Variants in EXOC4 observed in about 807,000 individuals in gnomAD.
EXOC4 encodes the protein exocyst complex component 4.
In EXOC4, 71 loss-of-function variants were observed where a neutral mutation model predicts 107.2. The observed-to-expected ratio is 0.66, with a 90% confidence interval of 0.55 to 0.81. The LOEUF (loss-of-function observed/expected upper bound fraction) is 0.81, where lower values mean the gene tolerates loss of function less well. Ranked by LOEUF, EXOC4 falls within the 30% of genes least tolerant of loss-of-function variation. The probability of loss-of-function intolerance (pLI) is 0.00; values close to 1 mark genes in which losing one functional copy is unlikely to be tolerated. For missense variants in EXOC4, 1,108 were observed against 1,189.6 expected, an observed-to-expected ratio of 0.93 and a Z score of 1.01; for synonymous variants, 456 against 441.2, an observed-to-expected ratio of 1.03 and a Z score of -0.42.
intron 10 of EXOC4, among the ~76,000 whole-genome samples, chr7:133,787,660 C>A (rs1056600724): frequency 2.6e-5 from 4 of 151,606 alleles, no homozygotes; most frequent in Non-Finnish European, 5.9e-5. Context: ...ACGGCCTCCT[C>A]CTTGCTGTGT....
intron 10 of EXOC4, among the ~76,000 whole-genome samples, chr7:133,789,016 C>T (rs1796649057): frequency 6.6e-6 from 1 of 152,188 alleles, no homozygotes; most frequent in African/African-American, 2.4e-5. Flanking sequence ...TGTCTCATCT[C>T]CATTATTTTG....
chr7:133,480,057 T>G lies in EXOC4; in HGVS notation c.1336T>G (p.Ser446Ala). 6.2e-7 allele frequency: 1 copy of G among 1,613,896 alleles called. No homozygotes were observed. The highest frequency in any genetic ancestry group is 2.2e-5 in the East Asian group (1 of 44,866). Residue 446 changes from serine to alanine, a missense_variant, in exon 9 of 18, where the codon TCG becomes GCG. Transcript: ENST00000253861. ...RPKNSLFKFESSSHAISMSAY... is the reference protein window; with the variant it reads ...RPKNSLFKFEASSHAISMSAY... ...CCCTGTGTTTCTCTGCAGGTTCGAATCGTCCTCCCATGCCATCAGTATGAG... is the reference window on the plus strand; with the variant it reads ...CCCTGTGTTTCTCTGCAGGTTCGAAGCGTCCTCCCATGCCATCAGTATGAG...
At chr7:133,695,154 A>G (rs1266942843) in intron 10 of EXOC4, among the ~76,000 whole-genome samples, 1 of 147,060 alleles carries the variant, frequency 6.8e-6, no homozygotes, top group African/African-American at 2.5e-5. Flanking sequence ...GTAATCAACA[A>G]TCTACTCCCT....
chr7:133,795,835 C>T (rs1246432312), intron 10 of EXOC4, among the ~76,000 whole-genome samples: 1 of 152,162 alleles, frequency 6.6e-6, no homozygotes, highest in African/African-American at 2.4e-5. Context: ...GTATTAATTT[C>T]ACCAACTATA....
At chr7:133,257,331 C>A (rs541547891) in intron 1 of EXOC4, among the ~76,000 whole-genome samples, 1 of 152,026 alleles carries the variant, frequency 6.6e-6, no homozygotes, top group East Asian at 1.9e-4. Flanking sequence ...TTTCTGTTGA[C>A]CTGCTGATGT....
intron 10 of EXOC4, among the ~76,000 whole-genome samples, chr7:133,638,514 G>A (rs956209599): frequency 1.3e-5 from 2 of 152,116 alleles, no homozygotes; most frequent in African/African-American, 2.4e-5. Context: ...CTTCTGTGTC[G>A]CTTCAGCATT....
chr7:133,418,337 C>G (rs1002310513), intron 7 of EXOC4, among the ~76,000 whole-genome samples: 85 of 152,114 alleles, frequency 5.6e-4, no homozygotes, highest in African/African-American at 1.9e-3. Flanking sequence ...ATAATGTTGG[C>G]CAGTTAGCTC....
intron 12 of EXOC4, among the ~76,000 whole-genome samples, chr7:133,898,753 A>G (rs1412430164): frequency 6.7e-6 from 1 of 149,362 alleles, no homozygotes; most frequent in Non-Finnish European, 1.5e-5. Flanking sequence ...CTCAAAAAAA[A>G]AAAAAAAAAA....
At chr7:133,767,032 G>T (rs569490424) in intron 10 of EXOC4, among the ~76,000 whole-genome samples, 1 of 151,878 alleles carries the variant, frequency 6.6e-6, no homozygotes, top group Non-Finnish European at 1.5e-5. Context: ...TGATAAGCGG[G>T]GAACTCTGAT....
chr7:133,987,924 G>A (rs1187142913), intron 14 of EXOC4, among the ~76,000 whole-genome samples: 3 of 152,180 alleles, frequency 2.0e-5, no homozygotes, highest in Non-Finnish European at 2.9e-5. Context: ...TTCTGGGTCT[G>A]AATGAGTCCA....
intron 11 of EXOC4, among the ~76,000 whole-genome samples, chr7:133,832,827 T>C (rs986527041): frequency 1.3e-5 from 2 of 152,154 alleles, no homozygotes; most frequent in Non-Finnish European, 2.9e-5. Flanking sequence ...GTATTGAAAT[T>C]GTAGGGGTCA....
At chr7:133,781,819 C>T (rs936887792) in intron 10 of EXOC4, among the ~76,000 whole-genome samples, 14 of 152,320 alleles carry the variant, frequency 9.2e-5, no homozygotes, top group African/African-American at 3.4e-4. Flanking sequence ...ACTCTTAATG[C>T]CTTTGGCCAA....
rs370133161 is a variant in EXOC4 at position 133,480,044 on chromosome 7, C to T, written c.1329-6C>T. ...GCTTGTCTGTTTCCCCTGTGTTTCT[C>T]TGCAGGTTCGAATCGTCCTCCCATG... On this transcript the variant is annotated splice_region_variant and splice_polypyrimidine_tract_variant and intron_variant, in intron 8 of 17. Transcript: ENST00000253861. The T allele has an allele frequency of 1.2e-6, 2 of 1,613,158 alleles. No individual in the cohort carries two copies. Among genetic ancestry groups the T allele is most frequent in the Non-Finnish European group, 1.7e-6 (2 of 1,179,166 alleles).
At chr7:133,619,840 C>T (rs1288934781) in intron 9 of EXOC4, among the ~76,000 whole-genome samples, 1 of 152,170 alleles carries the variant, frequency 6.6e-6, no homozygotes, top group African/African-American at 2.4e-5. Context: ...TAGCCATCAT[C>T]TGTTATGTCT....
intron 9 of EXOC4, among the ~76,000 whole-genome samples, chr7:133,618,479 A>T (rs1481848331): frequency 6.6e-6 from 1 of 152,294 alleles, no homozygotes; most frequent in African/African-American, 2.4e-5. Context: ...ATAACAATCA[A>T]GACTGAGCAA....
intron 9 of EXOC4, among the ~76,000 whole-genome samples, chr7:133,482,463 G>A (rs1403250565): frequency 6.6e-6 from 1 of 152,180 alleles, no homozygotes; most frequent in Non-Finnish European, 1.5e-5. Context: ...ATGCTTGTAT[G>A]AGTGAGAATG....
chr7:133,885,081 C>T (rs763307854), intron 11 of EXOC4, among the ~76,000 whole-genome samples: 4 of 152,036 alleles, frequency 2.6e-5, no homozygotes, highest in South Asian at 2.1e-4. Flanking sequence ...TTTGGGAGGC[C>T]GAGACAGGCG....
intron 9 of EXOC4, among the ~76,000 whole-genome samples, chr7:133,563,373 A>G (rs1325939967): frequency 2.0e-5 from 3 of 152,214 alleles, no homozygotes; most frequent in Non-Finnish European, 4.4e-5. Flanking sequence ...CATTGACTTT[A>G]ATTGCCCTGC....
At chr7:133,827,848 A>G (rs575015154) in intron 11 of EXOC4, among the ~76,000 whole-genome samples, 1 of 152,314 alleles carries the variant, frequency 6.6e-6, no homozygotes, top group African/African-American at 2.4e-5. Flanking sequence ...AGTCAGTGAC[A>G]CTTGTTTACC....
Sources: allele counts gnomAD v4.1 joint callset (sites outside exome capture counted in the v4.1 genomes callset), GRCh38; gene constraint gnomAD v4.1.1; transcripts MANE v1.5; gene names NCBI Gene and HGNC (gene_info 2026-07-23, HGNC 2026-07-21).